CHCHD6: variants seen among roughly 807,000 people sequenced by gnomAD.
The protein encoded by CHCHD6 is coiled-coil-helix-coiled-coil-helix domain containing 6, also known as MICOS complex subunit MIC25.
Under a neutral mutation model 32.3 loss-of-function variants are expected in CHCHD6, and 28 were observed. The observed-to-expected ratio is 0.87, with a 90% CI of 0.64 to 1.19. The LOEUF (loss-of-function observed/expected upper bound fraction) is 1.19. CHCHD6 is among the 50% of genes most tolerant of loss of function. The probability of loss-of-function intolerance (pLI) is 0.00; values close to 1 mark genes in which losing one functional copy is unlikely to be tolerated. For missense variants in CHCHD6, 333 were observed against 307.0 expected, an observed-to-expected ratio of 1.08 and a Z score of -0.63; for synonymous variants, 122 against 117.5, an observed-to-expected ratio of 1.04 and a Z score of -0.25.
At chr3:126,745,097 A>G (rs1360452770) in intron 4 of CHCHD6, among the ~76,000 whole-genome samples, 1 of 152,190 alleles carries the variant, frequency 6.6e-6, no homozygotes, top group Non-Finnish European at 1.5e-5. Context: ...CGTTGGCAGA[A>G]CTGTGTCGCA....
chr3:126,865,971 A>G (rs374507696), intron 5 of CHCHD6, among the ~76,000 whole-genome samples: 3 of 152,292 alleles, frequency 2.0e-5, no homozygotes, highest in Non-Finnish European at 2.9e-5. Flanking sequence ...TGCTAAGTAC[A>G]GTGCCCAAGA....
chr3:126,788,743 T>C (rs138562015), intron 4 of CHCHD6, among the ~76,000 whole-genome samples: 121 of 152,294 alleles, frequency 7.9e-4, no homozygotes, highest in African/African-American at 2.8e-3. Flanking sequence ...TAGCGGTCTA[T>C]CAATTTTGTT....
intron 5 of CHCHD6, among the ~76,000 whole-genome samples, chr3:126,896,054 G>C (rs2107580446): frequency 6.6e-6 from 1 of 152,324 alleles, no homozygotes; most frequent in Middle Eastern, 3.4e-3. Context: ...TGCCAGGGTG[G>C]AATATATGAA....
At chr3:126,862,345 TCCCCCA>T (rs1941944318) in intron 5 of CHCHD6, among the ~76,000 whole-genome samples, 1 of 112,792 alleles carries the variant, frequency 8.9e-6, no homozygotes, top group African/African-American at 3.4e-5. Flanking sequence ...CACCTCCTCC[TCCCCCA>T]CTATCACCAC....
At chr3:126,730,481 C>A in intron 2 of CHCHD6, 80 bp from the exon 3 acceptor site, 2 of 1,161,340 alleles carry the variant, frequency 1.7e-6, no homozygotes, top group South Asian at 1.3e-5. Flanking sequence ...TCATGGGGGT[C>A]ATTCCTCTCT....
chr3:126,807,449 G>A (rs1939449695), intron 4 of CHCHD6, among the ~76,000 whole-genome samples: 1 of 152,002 alleles, frequency 6.6e-6, no homozygotes, highest in South Asian at 2.1e-4. Context: ...TTCAATAGAA[G>A]GGCTAGAAAG....
chr3:126,899,852 G>A (rs1046922073), intron 5 of CHCHD6, among the ~76,000 whole-genome samples: 1 of 152,156 alleles, frequency 6.6e-6, no homozygotes, highest in African/African-American at 2.4e-5. Context: ...CACCAAATTT[G>A]TGGTGACCTC....
intron 4 of CHCHD6, among the ~76,000 whole-genome samples, chr3:126,824,997 CA>C (rs1940326971): frequency 6.6e-6 from 1 of 152,154 alleles, no homozygotes; most frequent in African/African-American, 2.4e-5. Context: ...TCTAACTTCT[CA>C]AGGTGGGAAC....
At chr3:126,914,211 A>G (rs1408445745) in intron 5 of CHCHD6, among the ~76,000 whole-genome samples, 1 of 152,190 alleles carries the variant, frequency 6.6e-6, no homozygotes, top group Non-Finnish European at 1.5e-5. Flanking sequence ...AGGAAAGTCC[A>G]CCTATAAAAT....
chr3:126,776,778 A>C (rs567664264), intron 4 of CHCHD6, among the ~76,000 whole-genome samples: 1 of 152,300 alleles, frequency 6.6e-6, no homozygotes, highest in Admixed American at 6.5e-5. Flanking sequence ...TGACATAACC[A>C]ACATCATTTT....
At chr3:126,718,192 A>G (rs1935113319) in intron 1 of CHCHD6, among the ~76,000 whole-genome samples, 1 of 152,232 alleles carries the variant, frequency 6.6e-6, no homozygotes, top group African/African-American at 2.4e-5. Context: ...GAGAGCACTT[A>G]GAACAGTGCT....
At chr3:126,957,725 C>A in intron 7 of CHCHD6, 174 bp downstream of exon 7, 1 of 767,844 alleles carries the variant, frequency 1.3e-6, no homozygotes, top group Non-Finnish European at 2.2e-6. Flanking sequence ...CACCTGCACA[C>A]TCTCCTGGCT....
In CHCHD6 at chr3:126,942,117, C is replaced by T. The variant is rs1285130369; in HGVS notation, c.567-15299C>T. 5.3e-5 allele frequency among the ~76,000 whole-genome samples: 8 copies of T among 152,142 alleles called. No individual in the cohort carries two copies. In the East Asian group the frequency reaches 9.7e-4, roughly 18 times the overall value. ...TGTTTCCTCATGACCAGACTCAAGCCGTGCATTCTTGGCAGGAAGACCCCA... is the reference window on the plus strand; with the variant it reads ...TGTTTCCTCATGACCAGACTCAAGCTGTGCATTCTTGGCAGGAAGACCCCA... On this transcript the variant is annotated intron_variant, in intron 6 of 7. Transcript: ENST00000290913.
chr3:126,910,642 T>C (rs1490361287), intron 5 of CHCHD6, among the ~76,000 whole-genome samples: 1 of 152,254 alleles, frequency 6.6e-6, no homozygotes, highest in Non-Finnish European at 1.5e-5. Context: ...TGCCAAGATG[T>C]TCCTCTTAGC....
At chr3:126,728,298 ACTGGAAT>A (rs1449460183) in intron 2 of CHCHD6, among the ~76,000 whole-genome samples, 1 of 152,190 alleles carries the variant, frequency 6.6e-6, no homozygotes, top group Non-Finnish European at 1.5e-5. Context: ...GTGATGCAAC[ACTGGAAT>A]CTGTACCAGG....
intron 4 of CHCHD6, among the ~76,000 whole-genome samples, chr3:126,734,697 A>G (rs1214640724): frequency 6.6e-6 from 1 of 152,226 alleles, no homozygotes; most frequent in African/African-American, 2.4e-5. Context: ...TTGGAAATGC[A>G]AATGTATAAG....
chr3:126,846,084 G>A (rs1481949972), intron 4 of CHCHD6, among the ~76,000 whole-genome samples: 1 of 152,148 alleles, frequency 6.6e-6, no homozygotes, highest in Admixed American at 6.5e-5. Flanking sequence ...CAGGCACAGT[G>A]CAGACTTGCA....
intron 4 of CHCHD6, among the ~76,000 whole-genome samples, chr3:126,782,067 A>G (rs1937970708): frequency 1.3e-5 from 2 of 152,164 alleles, no homozygotes; most frequent in South Asian, 4.1e-4. Context: ...GGTGGTAGTC[A>G]TTCGTGTGTT....
chr3:126,766,479 T>C, intron 4 of CHCHD6: 2 of 727,516 alleles, frequency 2.7e-6, no homozygotes, highest in Middle Eastern at 4.0e-4. Flanking sequence ...TGATCTTCTC[T>C]TTCTCGGTCT....
Sources: allele counts gnomAD v4.1 joint callset (sites outside exome capture counted in the v4.1 genomes callset), GRCh38; gene constraint gnomAD v4.1.1; transcripts MANE v1.5; gene names NCBI Gene and HGNC (gene_info 2026-07-23, HGNC 2026-07-21).